KLHL22: variants seen among roughly 807,000 people sequenced by gnomAD.
KLHL22 encodes kelch-like protein 22.
A neutral mutation model predicts 60.7 loss-of-function variants in KLHL22; 18 were observed. The ratio of observed to expected loss-of-function variants is 0.30; its 90% CI spans 0.20 to 0.44. KLHL22 has a LOEUF of 0.44. KLHL22 is among the 20% of genes least tolerant of loss of function. The pLI, the probability that KLHL22 is intolerant of heterozygous loss-of-function variation, is 1.00. For synonymous variants in KLHL22, 355 were observed against 354.5 expected (o/e 1.00, Z -0.01); for missense variants, 596 against 852.3 (o/e 0.70, Z 3.74).
In KLHL22 at chr22:20,465,590, G is replaced by T; in HGVS notation, c.394-14C>A. ...AATTTCTGGGATCTGCAGAGAGAATGACACCCATTCAAGCCTGGGCTGGTG... is the reference window on the plus strand; with the variant it reads ...AATTTCTGGGATCTGCAGAGAGAATTACACCCATTCAAGCCTGGGCTGGTG... On this transcript the variant is annotated splice_polypyrimidine_tract_variant and intron_variant, in intron 3 of 6. Transcript: ENST00000328879. The surrounding 1 kb of genome is among the most constrained non-coding windows in gnomAD (Gnocchi z 4.9). 1 of 1,263,546 alleles carries T rather than the reference G, an allele frequency of 7.9e-7. No individual in the cohort carries two copies. The highest frequency in any genetic ancestry group is 1.2e-6 in the Non-Finnish European group (1 of 860,482). 78.3% of individuals were successfully genotyped at this position (1,263,546 alleles called of 1,614,324 possible).
At chr22:20,479,488 G>A (rs1379407077) in intron 2 of KLHL22, among the ~76,000 whole-genome samples, 1 of 152,020 alleles carries the variant, frequency 6.6e-6, no homozygotes, top group African/African-American at 2.4e-5. Context: ...GATTGCTTGA[G>A]CCCAGGAGTT....
intron 4 of KLHL22, among the ~76,000 whole-genome samples, chr22:20,462,483 T>C (rs2146210927): frequency 6.6e-6 from 1 of 151,460 alleles, no homozygotes; most frequent in East Asian, 1.9e-4. Context: ...GCCTTCCAAG[T>C]AGCCAGGGCT....
At chr22:20,477,512 G>A (rs1227552047) in intron 2 of KLHL22, among the ~76,000 whole-genome samples, 2 of 152,114 alleles carry the variant, frequency 1.3e-5, no homozygotes, top group East Asian at 3.9e-4. Context: ...ATGCTGAGGT[G>A]GGAGTGTTGC....
chr22:20,455,119 T>A (rs1191971031), intron 5 of KLHL22, among the ~76,000 whole-genome samples: 1 of 152,136 alleles, frequency 6.6e-6, no homozygotes, highest in African/African-American at 2.4e-5. Context: ...TGACCTCAGG[T>A]GATCCCCCCC....
At chr22:20,468,952 G>A (rs2053273606) in intron 3 of KLHL22, among the ~76,000 whole-genome samples, 1 of 152,132 alleles carries the variant, frequency 6.6e-6, no homozygotes, top group Admixed American at 6.5e-5. Flanking sequence ...CTCCAAGCCT[G>A]GCCCAGAAGC....
chr22:20,456,138 C>G (rs925171149), intron 5 of KLHL22: 4 of 152,186 alleles, frequency 2.6e-5, no homozygotes, highest in Non-Finnish European at 5.9e-5. Context: ...TGGACATTCC[C>G]CAAAAAGTCC....
intron 6 of KLHL22, among the ~76,000 whole-genome samples, chr22:20,445,665 C>T (rs757054309): frequency 2.0e-5 from 3 of 152,194 alleles, no homozygotes; most frequent in Non-Finnish European, 2.9e-5. Flanking sequence ...TCAGTGAAGC[C>T]TCCAACTCTG....
Position 20,465,241 on chromosome 22 carries a change from T to G in KLHL22, c.729A>C (p.Thr243=). ...CAGCTTCCATCAGCGGAAACCGCAC[T>G]GTCTCAAGGAGCTTTGGGGGCTCGT... The part of the protein sequence containing the change: ...SLHEPPKLLE[T]VRFPLMEAEV... Residue 243 remains threonine (T), a synonymous_variant, in exon 4 of 7, where the codon ACA becomes ACC. Coordinates refer to ENST00000328879, the MANE Select transcript of KLHL22 (RefSeq NM_032775.4). The surrounding 1 kb of genome is among the most constrained non-coding windows in gnomAD (Gnocchi z 4.9). 6.2e-7 allele frequency: 1 copy of G among 1,613,994 alleles called. No homozygotes were observed. The highest frequency in any genetic ancestry group is 8.5e-7 in the Non-Finnish European group (1 of 1,180,002).
intron 2 of KLHL22, among the ~76,000 whole-genome samples, chr22:20,486,010 T>C (rs1221814626): frequency 6.7e-6 from 1 of 149,050 alleles, no homozygotes; most frequent in Non-Finnish European, 1.5e-5. Flanking sequence ...CTACTAAAAA[T>C]ACAAAAAATT....
rs532757721 is a variant in KLHL22, at chr22:20,460,128, G to A, written c.1113-2128C>T. 7.2e-5 allele frequency among the ~76,000 whole-genome samples: 11 copies of A among 152,276 alleles called. No individual in the cohort carries two copies. In the East Asian group the frequency reaches 1.9e-3, roughly 27 times the overall value. ...GTGCTGTTCACTGCCTTTCCTGTGCGCCTTCCTCCTTTATATACAAGTCTC... is the reference window on the plus strand; with the variant it reads ...GTGCTGTTCACTGCCTTTCCTGTGCACCTTCCTCCTTTATATACAAGTCTC... On this transcript the variant is annotated intron_variant, in intron 4 of 6. Transcript: ENST00000328879.
At chr22:20,485,713 C>A (rs898270270) in intron 2 of KLHL22, among the ~76,000 whole-genome samples, 2 of 151,728 alleles carry the variant, frequency 1.3e-5, no homozygotes, top group African/African-American at 4.9e-5. Flanking sequence ...ACTAAAAATA[C>A]AAAAATTAGC....
At chr22:20,484,329 C>G (rs781611530) in intron 2 of KLHL22, among the ~76,000 whole-genome samples, 6 of 152,112 alleles carry the variant, frequency 3.9e-5, no homozygotes, top group Non-Finnish European at 5.9e-5. Context: ...GAATCTCACT[C>G]TCTCATCCAG....
chr22:20,456,084 T>G (rs906822473), intron 5 of KLHL22: 2 of 152,174 alleles, frequency 1.3e-5, no homozygotes, highest in Non-Finnish European at 2.9e-5. Flanking sequence ...CCAGTAACAT[T>G]TCCTCCCTCT....
intron 5 of KLHL22, chr22:20,450,820 G>C: frequency 6.6e-7 from 1 of 1,523,120 alleles, no homozygotes; most frequent in Non-Finnish European, 9.1e-7. Context: ...TATCACAGAT[G>C]TAATAGATGC....
chr22:20,467,748 T>G (rs1014572833), intron 3 of KLHL22, among the ~76,000 whole-genome samples: 38 of 152,258 alleles, frequency 2.5e-4, no homozygotes, highest in African/African-American at 9.1e-4. Flanking sequence ...AAGCTCCGCC[T>G]CCCGGGTTCA....
chr22:20,475,607 G>A (rs1038943984), intron 2 of KLHL22, among the ~76,000 whole-genome samples: 2 of 150,862 alleles, frequency 1.3e-5, no homozygotes, highest in Admixed American at 6.6e-5. Flanking sequence ...TGTTGCCCAA[G>A]CTGGAGTGCA....
At chr22:20,481,915 T>G (rs999730209) in intron 2 of KLHL22, 1 of 152,526 alleles carries the variant, frequency 6.6e-6, no homozygotes, top group African/African-American at 2.4e-5. Context: ...CAAAAGTTTT[T>G]TGGTTTTTGT....
At chr22:20,475,377 A>G (rs2053395156) in intron 2 of KLHL22, 2 of 152,108 alleles carry the variant, frequency 1.3e-5, no homozygotes, top group South Asian at 2.1e-4. Context: ...TCAAACTTAG[A>G]AAGGCTTTTT....
rs549020716 is a variant in KLHL22, at chr22:20,444,608, G to A, written c.1539+1835C>T. Among the ~76,000 whole-genome samples the A allele has an allele frequency of 3.9e-5, 6 of 152,244 alleles. No homozygotes were observed. In the South Asian group the frequency reaches 8.3e-4, roughly 21 times the overall value. ...TTGAGAACTGTTGCATGAACCTAAG[G>A]AAATAATCCAAAATACCTGAAAAGC... On this transcript the variant is annotated intron_variant, in intron 6 of 6. Transcript: ENST00000328879.
Sources: allele counts gnomAD v4.1 joint callset (sites outside exome capture counted in the v4.1 genomes callset), GRCh38; gene constraint gnomAD v4.1.1; non-coding constraint Gnocchi (gnomAD v3.1); transcripts MANE v1.5; gene names NCBI Gene and HGNC (gene_info 2026-07-23, HGNC 2026-07-21).